VPS54: variants seen among roughly 807,000 people sequenced by gnomAD.
The protein encoded by VPS54 is vacuolar protein sorting-associated protein 54.
Under a neutral mutation model 121.5 loss-of-function variants are expected in VPS54, and 45 were observed. The observed-to-expected ratio is 0.37, with a 90% CI of 0.29 to 0.47. The LOEUF (loss-of-function observed/expected upper bound fraction) is 0.47, where lower values mean the gene tolerates loss of function less well. Among genes scored for constraint, VPS54 ranks in the 20% least tolerant of loss-of-function variants. The pLI, the probability that VPS54 is intolerant of heterozygous loss-of-function variation, is 0.99. For synonymous variants in VPS54, 371 were observed against 385.8 expected, an observed-to-expected ratio of 0.96 and a Z score of 0.45; for missense variants, 1,090 against 1,131.4, an observed-to-expected ratio of 0.96 and a Z score of 0.52.
intron 5 of VPS54, among the ~76,000 whole-genome samples, chr2:63,967,807 G>A (rs960914065): frequency 1.3e-5 from 2 of 150,590 alleles, no homozygotes; most frequent in African/African-American, 2.4e-5. Flanking sequence ...CAGATAAAAT[G>A]TTATGGGAAT....
At chr2:63,925,663 A>G (rs137973501) in intron 12 of VPS54, among the ~76,000 whole-genome samples, 2 of 152,392 alleles carry the variant, frequency 1.3e-5, no homozygotes, top group Non-Finnish European at 2.9e-5. Context: ...TACACAAAAA[A>G]TAAAATCACT....
chr2:63,958,788 T>A (rs1335637508), intron 7 of VPS54, among the ~76,000 whole-genome samples: 1 of 152,152 alleles, frequency 6.6e-6, no homozygotes, highest in Non-Finnish European at 1.5e-5. Context: ...GGACTAAGAT[T>A]CATAAAATGG....
intron 12 of VPS54, among the ~76,000 whole-genome samples, chr2:63,924,242 T>C (rs1222609855): frequency 6.6e-6 from 1 of 152,240 alleles, no homozygotes; most frequent in East Asian, 1.9e-4. Flanking sequence ...CAGCTCTAGC[T>C]GGGCAAATAG....
chr2:63,964,675 G>C (rs1470522981), intron 6 of VPS54, among the ~76,000 whole-genome samples: 1 of 152,128 alleles, frequency 6.6e-6, no homozygotes, highest in Non-Finnish European at 1.5e-5. Context: ...TGTGAGAAAA[G>C]GAATACTCAT....
chr2:64,018,127 T>C (rs1363483317), intron 1 of VPS54, among the ~76,000 whole-genome samples: 2 of 152,218 alleles, frequency 1.3e-5, no homozygotes, highest in East Asian at 3.8e-4. Context: ...GCGTTTAGTA[T>C]TAAGACCGCC....
chr2:63,921,083 A>G (rs1673619865), intron 13 of VPS54, 123 bp downstream of exon 13: 3 of 1,084,742 alleles, frequency 2.8e-6, no homozygotes, highest in South Asian at 4.7e-5. Flanking sequence ...CAGTGGTAAC[A>G]CTGACTTTAT....
Position 63,913,327 on chromosome 2 carries a change from A to G in VPS54, c.2335-17T>C, listed in dbSNP as rs1226069138. 8.8e-6 allele frequency: 14 copies of G among 1,589,460 alleles called. No individual in the cohort carries two copies. The highest frequency in any genetic ancestry group is 1.4e-5 in the African/African-American group (1 of 73,636). ...ATTGAAGTACTAACAAAAGAAGGAG[A>G]AAAAAACCCCAAAATTTACTAAAAA... On this transcript the variant is annotated splice_polypyrimidine_tract_variant and intron_variant, in intron 17 of 22. Transcript: ENST00000272322.
At chr2:63,991,230 T>C (rs904939640) in intron 1 of VPS54, among the ~76,000 whole-genome samples, 3 of 152,252 alleles carry the variant, frequency 2.0e-5, no homozygotes, top group Admixed American at 6.5e-5. Context: ...AAGGTCATGA[T>C]GAATTATACC....
intron 1 of VPS54, among the ~76,000 whole-genome samples, chr2:63,998,896 T>C (rs1246422424): frequency 3.3e-5 from 5 of 152,166 alleles, no homozygotes; most frequent in African/African-American, 4.8e-5. Flanking sequence ...TTTTACATCT[T>C]CAGATGGTAT....
chr2:63,956,362 CTGAG>C (rs1442383878), intron 7 of VPS54, among the ~76,000 whole-genome samples: 1 of 152,086 alleles, frequency 6.6e-6, no homozygotes, highest in Non-Finnish European at 1.5e-5. Flanking sequence ...CTATAATAAA[CTGAG>C]TGTTTTGCAT....
intron 7 of VPS54, among the ~76,000 whole-genome samples, chr2:63,959,943 C>T (rs865801738): frequency 9.9e-5 from 15 of 152,040 alleles, no homozygotes; most frequent in Admixed American, 3.3e-4. Flanking sequence ...TCGCTTGAAC[C>T]CGGGAGGAGG....
chr2:64,000,278 G>T (rs1677808556), intron 1 of VPS54, among the ~76,000 whole-genome samples: 1 of 152,084 alleles, frequency 6.6e-6, no homozygotes, highest in Non-Finnish European at 1.5e-5. Flanking sequence ...TATCTGATAG[G>T]ATTCTGAATT....
At chr2:63,893,587 TAATTA>T in intron 22 of VPS54, 52 bp from the exon 23 acceptor site, 2 of 1,503,674 alleles carry the variant, frequency 1.3e-6, no homozygotes, top group East Asian at 4.5e-5. Flanking sequence ...TCTATTCAGA[TAATTA>T]AAGTAACAGT....
Position 64,015,600 on chromosome 2 carries a change from C to A in VPS54, c.-21+3338G>T, listed in dbSNP as rs551059580. On this transcript the variant is annotated intron_variant, in intron 1 of 22. Coordinates refer to ENST00000272322, the MANE Select transcript of VPS54 (RefSeq NM_016516.3). ...CAACATCCTTGGCCAATACCATTTC[C>A]TTCAGCTATGACAACCAAAAATGTC... 2.6e-5 allele frequency among the ~76,000 whole-genome samples: 4 copies of A among 152,302 alleles called. No homozygotes were observed. In the East Asian group the frequency reaches 5.8e-4, roughly 22 times the overall value.
intron 1 of VPS54, among the ~76,000 whole-genome samples, chr2:64,005,441 T>C (rs1270791241): frequency 6.6e-6 from 1 of 152,138 alleles, no homozygotes; most frequent in Non-Finnish European, 1.5e-5. Context: ...AACTACCTTA[T>C]AGGCAATAAA....
At chr2:63,989,499 A>G (rs911204209) in intron 1 of VPS54, among the ~76,000 whole-genome samples, 5 of 152,184 alleles carry the variant, frequency 3.3e-5, no homozygotes, top group African/African-American at 1.2e-4. Flanking sequence ...ACTTAGGGAA[A>G]ATAGAAAAGA....
At chr2:63,925,565 C>T (rs983083770) in intron 12 of VPS54, among the ~76,000 whole-genome samples, 4 of 152,048 alleles carry the variant, frequency 2.6e-5, no homozygotes, top group South Asian at 2.1e-4. Flanking sequence ...GAAGAATGTT[C>T]GTGACAATCC....
Position 63,970,210 on chromosome 2 carries a change from T to TACACACAC in VPS54, c.458-1220_458-1219insGTGTGTGT, listed in dbSNP as rs1301850062. 6.5e-3 allele frequency among the ~76,000 whole-genome samples: 660 copies of TACACACAC among 101,606 alleles called. 15 individuals are homozygous for TACACACAC. The highest frequency in any genetic ancestry group is 0.04 in the Middle Eastern group (8 of 200). The allele number at this position is 101,606 out of a possible 152,430, so 66.7% of individuals were successfully genotyped here. ...CTTTCCCATTAAAAAAAAATATATATATACACACACACACACACACACACA... is the reference window on the plus strand; with the variant it reads ...CTTTCCCATTAAAAAAAAATATATATACACACACATACACACACACACACACACACACA... On this transcript the variant is annotated intron_variant, in intron 4 of 22. Coordinates refer to ENST00000272322, the MANE Select transcript of VPS54 (RefSeq NM_016516.3).
At chr2:64,002,668 C>A (rs1312154167) in intron 1 of VPS54, among the ~76,000 whole-genome samples, 1 of 152,164 alleles carries the variant, frequency 6.6e-6, no homozygotes, top group Non-Finnish European at 1.5e-5. Flanking sequence ...TTTCTAGATT[C>A]TTCTAAGTTA....
Sources: allele counts gnomAD v4.1 joint callset (sites outside exome capture counted in the v4.1 genomes callset), GRCh38; gene constraint gnomAD v4.1.1; transcripts MANE v1.5; gene names NCBI Gene and HGNC (gene_info 2026-07-23, HGNC 2026-07-21).